Variants in SORCS2 observed in about 807,000 individuals in gnomAD.
The protein encoded by SORCS2 is VPS10 domain-containing receptor SorCS2.
Under a neutral mutation model 141.6 loss-of-function variants are expected in SORCS2, and 100 were observed. The observed-to-expected ratio is 0.71, with a 90% CI of 0.60 to 0.83. The LOEUF is 0.83. Among genes scored for constraint, SORCS2 ranks in the 40% least tolerant of loss-of-function variants. The pLI, the probability that SORCS2 is intolerant of heterozygous loss-of-function variation, is 0.00. For missense variants in SORCS2, 1,646 were observed against 1,560.2 expected, an observed-to-expected ratio of 1.05 and a Z score of -0.93; for synonymous variants, 789 against 676.9, an observed-to-expected ratio of 1.17 and a Z score of -2.57.
At chr4:7,425,837 G>A (rs1228872853) in intron 2 of SORCS2, among the ~76,000 whole-genome samples, 1 of 152,218 alleles carries the variant, frequency 6.6e-6, no homozygotes, top group Non-Finnish European at 1.5e-5. Flanking sequence ...CCCGAGGCAG[G>A]GACGGCCCAT....
intron 4 of SORCS2, among the ~76,000 whole-genome samples, chr4:7,645,913 G>A (rs1318156296): frequency 6.6e-6 from 1 of 152,206 alleles, no homozygotes; most frequent in East Asian, 1.9e-4. Context: ...CTGCCTTCCT[G>A]CTCCCAAGGC....
chr4:7,211,046 T>C (rs1728031525), intron 1 of SORCS2, among the ~76,000 whole-genome samples: 2 of 152,262 alleles, frequency 1.3e-5, no homozygotes, highest in South Asian at 4.1e-4. Context: ...GGCTGAGTCA[T>C]GGACACAAAA....
At chr4:7,631,294 G>T (rs1719876575) in intron 3 of SORCS2, among the ~76,000 whole-genome samples, 1 of 151,376 alleles carries the variant, frequency 6.6e-6, no homozygotes, top group African/African-American at 2.4e-5. Flanking sequence ...CAGGAGACCA[G>T]ATGGGATGCA....
At chr4:7,275,413 C>T (rs1715438598) in intron 1 of SORCS2, among the ~76,000 whole-genome samples, 1 of 152,092 alleles carries the variant, frequency 6.6e-6, no homozygotes, top group African/African-American at 2.4e-5. Flanking sequence ...TATCATGTGT[C>T]TGGCTCAGGG....
chr4:7,499,160 G>GTA (rs397825030), intron 2 of SORCS2, among the ~76,000 whole-genome samples: 1 of 151,700 alleles, frequency 6.6e-6, no homozygotes, highest in Admixed American at 6.6e-5. Context: ...ACGAGTATGT[G>GTA]CATGTGAGTG....
chr4:7,559,502 T>G (rs575521268), intron 3 of SORCS2, among the ~76,000 whole-genome samples: 1 of 152,222 alleles, frequency 6.6e-6, no homozygotes, highest in African/African-American at 2.4e-5. Context: ...AGACAGGAGC[T>G]GATGGGGGCA....
At chr4:7,683,756 C>T (rs1723710070) in intron 10 of SORCS2, among the ~76,000 whole-genome samples, 1 of 152,170 alleles carries the variant, frequency 6.6e-6, no homozygotes, top group Non-Finnish European at 1.5e-5. Context: ...TCCTGAGCCC[C>T]AAAGCTGGTC....
intron 4 of SORCS2, among the ~76,000 whole-genome samples, chr4:7,650,335 G>A (rs1721352840): frequency 6.6e-6 from 1 of 152,194 alleles, no homozygotes; most frequent in South Asian, 2.1e-4. Context: ...CTGCTATTAC[G>A]GGTGTTATCA....
chr4:7,520,526 G>A (rs1452360678), intron 2 of SORCS2, among the ~76,000 whole-genome samples: 1 of 152,204 alleles, frequency 6.6e-6, no homozygotes, highest in Non-Finnish European at 1.5e-5. Flanking sequence ...CTGCTAGTGA[G>A]TGTCACAGCC....
At chr4:7,422,166 A>G (rs915372823) in intron 2 of SORCS2, among the ~76,000 whole-genome samples, 1 of 152,190 alleles carries the variant, frequency 6.6e-6, no homozygotes, top group Non-Finnish European at 1.5e-5. Context: ...TGGGTTCAGC[A>G]TGTCAGAACC....
rs1216909435 is a variant in SORCS2 at position 7,724,443 on chromosome 4, AATGGTGGTGGTG to A, written c.2611+579_2611+590del. Among the ~76,000 whole-genome samples, 452 of 45,510 alleles carry A rather than the reference AATGGTGGTGGTG, an allele frequency of 9.9e-3. 1 individual carries two copies. The highest frequency in any genetic ancestry group is 0.015 in the African/African-American group (155 of 10,174). 29.9% of individuals were successfully genotyped at this position (45,510 alleles called of 152,430 possible). A position where few individuals can be genotyped will look rare whatever the true frequency, so the allele number is the denominator to read the frequency against. On this transcript the variant is annotated intron_variant, in intron 19 of 26. Transcript: ENST00000507866. ...GGATGGTGGTGGTGATAATGGTGAC[AATGGTGGTGGTG>A]ATGGTGGTGGTGATGGTGATGGTGG... is the stretch of plus-strand genomic sequence containing the variant.
intron 2 of SORCS2, among the ~76,000 whole-genome samples, chr4:7,493,111 A>G (rs1422913943): frequency 1.3e-5 from 2 of 152,264 alleles, no homozygotes; most frequent in Non-Finnish European, 2.9e-5. Flanking sequence ...CCCATCCAGA[A>G]TTAAGAAACA....
At chr4:7,438,716 T>C (rs376459921) in intron 2 of SORCS2, among the ~76,000 whole-genome samples, 46 of 152,218 alleles carry the variant, frequency 3.0e-4, no homozygotes, top group African/African-American at 1.1e-3. Flanking sequence ...TTTTTACTTA[T>C]GTTTTTTTAA....
chr4:7,472,042 G>T (rs1388422784), intron 2 of SORCS2, among the ~76,000 whole-genome samples: 1 of 152,238 alleles, frequency 6.6e-6, no homozygotes, highest in Non-Finnish European at 1.5e-5. Context: ...CTGAGATGGG[G>T]TCTATGCCTC....
At chr4:7,392,677 T>C (rs1401556703) in intron 1 of SORCS2, among the ~76,000 whole-genome samples, 1 of 149,674 alleles carries the variant, frequency 6.7e-6, no homozygotes, top group Non-Finnish European at 1.5e-5. Flanking sequence ...TCCTGGGTGG[T>C]AGTGCATCGG....
At chr4:7,490,498 C>A (rs1731253023) in intron 2 of SORCS2, among the ~76,000 whole-genome samples, 1 of 137,298 alleles carries the variant, frequency 7.3e-6, no homozygotes, top group East Asian at 2.0e-4. Flanking sequence ...ATGCTAGCAC[C>A]CCAGAATTGC....
In SORCS2 at chr4:7,654,051, G is replaced by A. The variant is rs540472977; in HGVS notation, c.814-83G>A. ...GATGACTTCTCCTGGGGGATCTGCT[G>A]TGGTGAAGACATCACCCTCTCTCAG... is the stretch of plus-strand genomic sequence containing the variant. On this transcript the variant is annotated intron_variant, in intron 4 of 26. Transcript: ENST00000507866. 4.0e-6 allele frequency: 5 copies of A among 1,235,154 alleles called. 1 individual carries two copies. The South Asian group carries it at 5.2e-5, about 13-fold the overall frequency. 76.5% of individuals were successfully genotyped at this position (1,235,154 alleles called of 1,614,324 possible). A position where few individuals can be genotyped will look rare whatever the true frequency, so the allele number is the denominator to read the frequency against.
At chr4:7,643,705 G>C (rs1346998342) in intron 4 of SORCS2, among the ~76,000 whole-genome samples, 1 of 152,182 alleles carries the variant, frequency 6.6e-6, no homozygotes, top group Non-Finnish European at 1.5e-5. Context: ...CCAGCCTTAA[G>C]TAAAGCAGTG....
chr4:7,513,655 CA>C (rs1732798146), intron 2 of SORCS2, among the ~76,000 whole-genome samples: 1 of 152,134 alleles, frequency 6.6e-6, no homozygotes, highest in Non-Finnish European at 1.5e-5. Flanking sequence ...TGCAGTACCC[CA>C]AACCCAGCGT....
Sources: allele counts gnomAD v4.1 joint callset (sites outside exome capture counted in the v4.1 genomes callset), GRCh38; gene constraint gnomAD v4.1.1; transcripts MANE v1.5; gene names NCBI Gene and HGNC (gene_info 2026-07-23, HGNC 2026-07-21).